Variants in TEK observed in about 807,000 individuals in gnomAD.
The protein encoded by TEK is TEK receptor tyrosine kinase.
TEK carries 43 observed loss-of-function variants against 131.8 expected under a neutral mutation model. The ratio of observed to expected loss-of-function variants is 0.33; its 90% confidence interval spans 0.26 to 0.42. The LOEUF (loss-of-function observed/expected upper bound fraction) is 0.42. Among genes scored for constraint, TEK ranks in the 10% least tolerant of loss-of-function variants. The pLI is 1.00. For missense variants in TEK, 1,162 were observed against 1,384.4 expected, an observed-to-expected ratio of 0.84 and a Z score of 2.55; for synonymous variants, 580 against 491.6, an observed-to-expected ratio of 1.18 and a Z score of -2.38.
intron 1 of TEK, among the ~76,000 whole-genome samples, chr9:27,112,258 G>A (rs931096024): frequency 2.0e-5 from 3 of 152,186 alleles, no homozygotes; most frequent in African/African-American, 7.2e-5. Flanking sequence ...CTTGTCTGGG[G>A]TGGCAGAGGA....
intron 1 of TEK, among the ~76,000 whole-genome samples, chr9:27,142,307 A>G (rs185977681): frequency 2.0e-5 from 3 of 152,336 alleles, no homozygotes; most frequent in East Asian, 3.9e-4. Flanking sequence ...AGAGGAGAGA[A>G]GATACTAAGT....
intron 1 of TEK, among the ~76,000 whole-genome samples, chr9:27,129,200 T>C (rs1299535249): frequency 1.3e-5 from 2 of 152,228 alleles, no homozygotes; most frequent in African/African-American, 4.8e-5. Context: ...TGTTGAATTT[T>C]GTCGGAGGAC....
intron 4 of TEK, among the ~76,000 whole-genome samples, chr9:27,172,301 C>T (rs1823987725): frequency 6.6e-6 from 1 of 152,202 alleles, no homozygotes; most frequent in Non-Finnish European, 1.5e-5. Flanking sequence ...GGAAGACACT[C>T]TCCAGCCTTA....
At chr9:27,198,154 T>C (rs1215764539) in intron 12 of TEK, 1 of 168,708 alleles carries the variant, frequency 5.9e-6, no homozygotes, top group Non-Finnish European at 1.3e-5. Flanking sequence ...GTATTGAAAG[T>C]CTATTCATTA....
chr9:27,211,647 T>C (rs530039410), intron 16 of TEK, among the ~76,000 whole-genome samples: 1 of 151,950 alleles, frequency 6.6e-6, no homozygotes, highest in South Asian at 2.1e-4. Context: ...TATTTTTATT[T>C]TTTGTAGAGA....
At chr9:27,224,752 G>T (rs1172343129) in intron 21 of TEK, among the ~76,000 whole-genome samples, 3 of 152,102 alleles carry the variant, frequency 2.0e-5, no homozygotes, top group Non-Finnish European at 4.4e-5. Context: ...GAAAGTTCTG[G>T]CCAGGGCAGT....
intron 19 of TEK, among the ~76,000 whole-genome samples, 161 bp downstream of exon 19, chr9:27,217,919 A>T (rs1442326028): frequency 1.3e-5 from 2 of 152,184 alleles, no homozygotes; most frequent in African/African-American, 4.8e-5. Context: ...CACAGAGTAG[A>T]CAGTTTCCAG....
chr9:27,197,120 C>T (rs921349152), intron 11 of TEK, among the ~76,000 whole-genome samples, 195 bp from the exon 12 acceptor site: 7 of 150,492 alleles, frequency 4.7e-5, no homozygotes, highest in African/African-American at 1.2e-4. Context: ...AGAACTCACT[C>T]GGTATCAGGA....
rs993639918 is a variant in TEK, at chr9:27,172,650, C to A, written c.663C>A (p.Asn221Lys). ...CCCAGAAGTGGGGACCTGAATGCAACCATCTCTGTACTGCTTGTATGAACA... is the reference window on the plus strand; with the variant it reads ...CCCAGAAGTGGGGACCTGAATGCAAACATCTCTGTACTGCTTGTATGAACA... ...CEAQKWGPEC[N>K]HLCTACMNNG... The change falls in exon 5 of 23, where the codon AAC becomes AAA. Residue 221 changes from asparagine (N) to lysine (K), a missense_variant. Physicochemically the swap from Asn to Lys is moderately conservative, Grantham distance 94 (BLOSUM62 0). Around this residue, in one of 6 missense-constraint regions of TEK, gnomAD observed 436 missense variants for 539.1 expected, o/e 0.81. Coordinates refer to ENST00000380036, the MANE Select transcript of TEK (RefSeq NM_000459.5). 1 of 1,613,776 alleles carries A rather than the reference C, an allele frequency of 6.2e-7. No individual in the cohort carries two copies.
At chr9:27,155,819 G>GTT (rs11325198) in intron 1 of TEK, among the ~76,000 whole-genome samples, 7 of 139,762 alleles carry the variant, frequency 5.0e-5, no homozygotes, top group Non-Finnish European at 7.8e-5. Flanking sequence ...GAGCACTTTT[G>GTT]TTTTTTTTTT....
rs558673412 is a variant in TEK at position 27,165,145 on chromosome 9, A to G, written c.365-3350A>G. 3.6e-4 allele frequency among the ~76,000 whole-genome samples: 55 copies of G among 152,284 alleles called. 2 individuals carry two copies. In the South Asian group the frequency reaches 0.01, roughly 29 times the overall value. On this transcript the variant is annotated intron_variant, in intron 2 of 22. Transcript: ENST00000380036. ...AGGAGGTTAAAAAGCACAGTCCTAA[A>G]TAATAAAGAGCCACAGAGTGGTGGG...
chr9:27,152,412 GAAAA>G (rs10554773), intron 1 of TEK, among the ~76,000 whole-genome samples: 1 of 142,920 alleles, frequency 7.0e-6, no homozygotes, highest in Non-Finnish European at 1.6e-5. Context: ...CTGGAATGTG[GAAAA>G]AAAAAAAAAA....
intron 16 of TEK, among the ~76,000 whole-genome samples, chr9:27,210,834 A>G (rs942284207): frequency 6.6e-6 from 1 of 152,186 alleles, no homozygotes; most frequent in African/African-American, 2.4e-5. Context: ...AAATTTTAAG[A>G]TAGGCCGGGC....
chr9:27,143,670 CAT>C (rs749841502), intron 1 of TEK, among the ~76,000 whole-genome samples: 2 of 151,880 alleles, frequency 1.3e-5, no homozygotes, highest in Non-Finnish European at 2.9e-5. Context: ...TCCAGAACAA[CAT>C]ATATATATAT....
At chr9:27,109,752 A>T in intron 1 of TEK, 110 bp downstream of exon 1, 2 of 1,048,094 alleles carry the variant, frequency 1.9e-6, no homozygotes, top group Non-Finnish European at 2.9e-6. Flanking sequence ...GGGTGGCTGT[A>T]GCAAAGGCAC....
At position 27,203,120 on chromosome 9, in the gene TEK, G is replaced by T; in HGVS notation, c.2209+1G>T. The T allele has an allele frequency of 1.2e-6, 2 of 1,613,990 alleles. No homozygotes were observed. ...CTGGTGACCCTCCCAGAATCTCAAG[G>T]TTGGTTGAATGGACAAGTATTTACA... On this transcript the variant is annotated splice_donor_variant, in intron 13 of 22. Transcript: ENST00000380036. LOFTEE classifies it high-confidence loss of function.
intron 1 of TEK, among the ~76,000 whole-genome samples, chr9:27,139,688 T>C (rs1388511504): frequency 6.6e-6 from 1 of 152,074 alleles, no homozygotes; most frequent in Non-Finnish European, 1.5e-5. Context: ...ATTGTTAAAC[T>C]TGATTTACTG....
At chr9:27,218,536 T>C (rs1398008447) in intron 19 of TEK, among the ~76,000 whole-genome samples, 1 of 152,060 alleles carries the variant, frequency 6.6e-6, no homozygotes, top group Non-Finnish European at 1.5e-5. Flanking sequence ...CAGTACCACC[T>C]TGTAGTCTCT....
chr9:27,209,489 A>G (rs985244453), intron 16 of TEK, among the ~76,000 whole-genome samples: 1 of 152,124 alleles, frequency 6.6e-6, no homozygotes, highest in African/African-American at 2.4e-5. Flanking sequence ...CATGGCTCCT[A>G]CCTGCCCCAT....
Sources: gnomAD v4.1 joint callset for allele counts (sites outside exome capture counted in the v4.1 genomes callset) on GRCh38, gnomAD v4.1.1 for gene constraint, gnomAD v4.1.1 regional missense constraint, MANE v1.5 for transcripts, NCBI Gene and HGNC (gene_info 2026-07-23, HGNC 2026-07-21) for gene names.